The following TEAD1 variants were observed in gnomAD, a reference collection of about 807,000 sequenced individuals.
TEAD1 encodes transcriptional enhancer factor TEF-1.
Under a neutral mutation model 54.9 loss-of-function variants are expected in TEAD1, and 9 were observed. The observed-to-expected ratio is 0.16, with a 90% CI of 0.10 to 0.29. TEAD1 has a LOEUF of 0.29. Ranked by LOEUF, TEAD1 falls within the 10% of genes least tolerant of loss-of-function variation. The pLI, the probability that TEAD1 is intolerant of heterozygous loss-of-function variation, is 1.00. For synonymous variants in TEAD1, 200 were observed against 187.8 expected (o/e 1.07, Z -0.53); for missense variants, 387 against 535.9 (o/e 0.72, Z 2.74).
intron 10 of TEAD1, among the ~76,000 whole-genome samples, chr11:12,918,149 G>T (rs1425464542): frequency 1.3e-5 from 2 of 151,972 alleles, no homozygotes; most frequent in Non-Finnish European, 2.9e-5. Flanking sequence ...TTGGGAGGGG[G>T]GACGTGTCAG....
intron 2 of TEAD1, among the ~76,000 whole-genome samples, chr11:12,745,892 G>A (rs1194377064): frequency 6.6e-6 from 1 of 152,174 alleles, no homozygotes; most frequent in Non-Finnish European, 1.5e-5. Context: ...TCTTTTGCAC[G>A]TACGGGATTA....
intron 3 of TEAD1, among the ~76,000 whole-genome samples, chr11:12,831,312 A>G (rs1198345878): frequency 6.6e-6 from 1 of 152,096 alleles, no homozygotes. Flanking sequence ...CCCCTCTGCC[A>G]GCTGAGGGCT....
At chr11:12,914,784 G>A (rs1045829176) in intron 10 of TEAD1, among the ~76,000 whole-genome samples, 1 of 152,268 alleles carries the variant, frequency 6.6e-6, no homozygotes, top group Admixed American at 6.5e-5. Flanking sequence ...TTTGGTGCCT[G>A]TGGGAGCAGC....
At chr11:12,864,673 C>G in intron 4 of TEAD1, 165 bp from the exon 5 acceptor site, 1 of 1,414,530 alleles carries the variant, frequency 7.1e-7, no homozygotes, top group Non-Finnish European at 9.3e-7. Context: ...CCTCATAAAC[C>G]CGAACAATGT....
intron 2 of TEAD1, among the ~76,000 whole-genome samples, chr11:12,755,372 G>T (rs938539711): frequency 6.6e-6 from 1 of 152,124 alleles, no homozygotes; most frequent in Non-Finnish European, 1.5e-5. Flanking sequence ...ATGGTGAATC[G>T]TACCAACTAA....
chr11:12,831,670 T>C (rs551103589), intron 3 of TEAD1, among the ~76,000 whole-genome samples: 1 of 152,028 alleles, frequency 6.6e-6, no homozygotes, highest in South Asian at 2.1e-4. Flanking sequence ...TCCCAGCTAC[T>C]CAGGAGGCTG....
chr11:12,835,714 A>T (rs1946875873), intron 3 of TEAD1, among the ~76,000 whole-genome samples: 1 of 152,162 alleles, frequency 6.6e-6, no homozygotes, highest in South Asian at 2.1e-4. Context: ...TTTTTTCATA[A>T]TCTACAGGTA....
intron 9 of TEAD1, 107 bp from the exon 10 acceptor site, chr11:12,901,833 C>T: frequency 7.3e-7 from 1 of 1,366,552 alleles, no homozygotes; most frequent in Non-Finnish European, 1.0e-6. Flanking sequence ...ACTGGAAGGC[C>T]TAATTCCAGA....
chr11:12,709,531 T>A (rs1943889711), intron 2 of TEAD1, among the ~76,000 whole-genome samples: 2 of 152,120 alleles, frequency 1.3e-5, no homozygotes, highest in African/African-American at 4.8e-5. Flanking sequence ...TCTACTTATT[T>A]ATTTTAGAGA....
chr11:12,808,046 G>T (rs1280834193), intron 3 of TEAD1, among the ~76,000 whole-genome samples: 1 of 152,130 alleles, frequency 6.6e-6, no homozygotes, highest in Non-Finnish European at 1.5e-5. Context: ...GAGAAGTTTT[G>T]TTTCTAAATG....
chr11:12,785,124 C>T (rs115370028), intron 3 of TEAD1, among the ~76,000 whole-genome samples: 459 of 152,202 alleles, frequency 3.0e-3, no homozygotes, highest in African/African-American at 0.011. Context: ...AGCCAGGGCC[C>T]GGGCTCCTGG....
At chr11:12,873,304 G>A (rs1003585403) in intron 5 of TEAD1, among the ~76,000 whole-genome samples, 23 of 152,188 alleles carry the variant, frequency 1.5e-4, no homozygotes, top group Admixed American at 9.8e-4. Flanking sequence ...CAGACACCTG[G>A]ATCCGGCAGG....
At chr11:12,923,816 C>G (rs1342866329) in intron 10 of TEAD1, among the ~76,000 whole-genome samples, 1 of 152,198 alleles carries the variant, frequency 6.6e-6, no homozygotes, top group African/African-American at 2.4e-5. Flanking sequence ...AGGCTCAACA[C>G]CTAAACCCAT....
At chr11:12,763,160 A>T (rs560429662) in intron 2 of TEAD1, among the ~76,000 whole-genome samples, 3 of 152,200 alleles carry the variant, frequency 2.0e-5, no homozygotes, top group Admixed American at 2.0e-4. Context: ...CCAGTTTGAC[A>T]TTTGTTTGGA....
chr11:12,816,636 G>A (rs1946422547), intron 3 of TEAD1, among the ~76,000 whole-genome samples: 1 of 152,168 alleles, frequency 6.6e-6, no homozygotes, highest in South Asian at 2.1e-4. Context: ...GTGCAAGGAG[G>A]AGGGTGAGTT....
At chr11:12,908,883 G>GTTTTTTTTTTTTTTTTTTTTTTTTTT (rs60042137) in intron 10 of TEAD1, among the ~76,000 whole-genome samples, 2 of 99,660 alleles carry the variant, frequency 2.0e-5, no homozygotes, top group African/African-American at 6.4e-5. Flanking sequence ...CAAATTATCT[G>GTTTTTTTTTTTTTTTTTTTTTTTTTT]TTTTTTTTTT....
At position 12,925,315 on chromosome 11, in the gene TEAD1, G is replaced by A. The variant is rs544977050; in HGVS notation, c.1014+263G>A. Among the ~76,000 whole-genome samples, 10 of 152,300 alleles carry A rather than the reference G, an allele frequency of 6.6e-5. No homozygotes were observed. In the East Asian group the frequency reaches 1.9e-3, roughly 30 times the overall value. ...AAACTTAGAATCATGGTGGCTGAAG[G>A]TGAAGGGGAAGCAAGGCACGTCTTC... On this transcript the variant is annotated intron_variant, in intron 11 of 12. Transcript: ENST00000527636.
chr11:12,699,344 A>G (rs1943648821), intron 2 of TEAD1, among the ~76,000 whole-genome samples: 1 of 152,002 alleles, frequency 6.6e-6, no homozygotes, highest in South Asian at 2.1e-4. Flanking sequence ...GGTTTATTTA[A>G]TGAATTGTAG....
intron 2 of TEAD1, among the ~76,000 whole-genome samples, chr11:12,692,922 T>A (rs1454164684): frequency 6.6e-6 from 1 of 152,030 alleles, no homozygotes; most frequent in Non-Finnish European, 1.5e-5. Flanking sequence ...CAGAACAGCC[T>A]GTGTTTTTTG....
Sources: gnomAD v4.1 joint callset for allele counts (sites outside exome capture counted in the v4.1 genomes callset) on GRCh38, gnomAD v4.1.1 for gene constraint, MANE v1.5 for transcripts, NCBI Gene and HGNC (gene_info 2026-07-23, HGNC 2026-07-21) for gene names.